The following ILDR2 variants were observed in gnomAD, a reference collection of about 807,000 sequenced individuals.
ILDR2 encodes immunoglobulin like domain containing receptor 2, also known as immunoglobulin-like domain-containing receptor 2.
ILDR2 carries 25 observed loss-of-function variants against 66.8 expected under a neutral mutation model. The observed-to-expected ratio is 0.37, with a 90% CI of 0.27 to 0.52. The LOEUF is 0.52. Among genes scored for constraint, ILDR2 ranks in the 20% least tolerant of loss-of-function variants. The pLI, the probability that ILDR2 is intolerant of heterozygous loss-of-function variation, is 0.88. For synonymous variants in ILDR2, 367 were observed against 357.2 expected, an observed-to-expected ratio of 1.03 and a Z score of -0.31; for missense variants, 827 against 876.8, an observed-to-expected ratio of 0.94 and a Z score of 0.72.
chr1:166,909,781 T>TATATATATATAAATATATATAAATATA lies in ILDR2; in HGVS notation c.*9573_*9574insTATATTTATATATATTTATATATATAT, dbSNP rs1557921377. 1 of 64,246 alleles carries TATATATATATAAATATATATAAATATA rather than the reference T, an allele frequency of 1.6e-5. No individual in the cohort carries two copies. The highest frequency in any genetic ancestry group is 2.9e-5 in the Non-Finnish European group (1 of 34,828). 4.0% of individuals were successfully genotyped at this position (64,246 alleles called of 1,614,324 possible). A position where few individuals can be genotyped will look rare whatever the true frequency, so the allele number is the denominator to read the frequency against. On this transcript the variant is annotated 3_prime_UTR_variant, in exon 10 of 10. Coordinates refer to ENST00000271417, the MANE Select transcript of ILDR2 (RefSeq NM_199351.3). ...TATAAATATATATAAATATATATAT[T>TATATATATATAAATATATATAAATATA]TATATATATATATATATATATATAT...
In ILDR2 at chr1:166,920,811, A is replaced by T; in HGVS notation, c.1780T>A (p.Tyr594Asn). The T allele has an allele frequency of 6.5e-7, 1 of 1,529,968 alleles. No individual in the cohort carries two copies. The allele number at this position is 1,529,968 out of a possible 1,614,324, so 94.8% of individuals were successfully genotyped here. A position where few individuals can be genotyped will look rare whatever the true frequency, so the allele number is the denominator to read the frequency against. The change falls in exon 9 of 10, where the codon TAC (tyrosine) becomes AAC (asparagine). Residue 594 changes from tyrosine to asparagine, a missense_variant. This residue lies in a region of ILDR2 where 390 missense variants were observed against 353.6 expected (regional missense o/e 1.10). Transcript: ENST00000271417. ...EDASDDALPP[Y>N]SELELTRGPS... ...CCGCGGGTCAGCTCCAGCTCGCTGTAGGGCGGCAGCGCGTCGTCGGACGCG... is the reference window on the plus strand; with the variant it reads ...CCGCGGGTCAGCTCCAGCTCGCTGTTGGGCGGCAGCGCGTCGTCGGACGCG...
chr1:166,928,519 G>C (rs980048692), intron 6 of ILDR2, among the ~76,000 whole-genome samples: 60 of 152,302 alleles, frequency 3.9e-4, no homozygotes, highest in African/African-American at 1.4e-3. Context: ...TGGGATGTAA[G>C]CTAGTGACCT....
rs562651856 is a variant in ILDR2, at chr1:166,896,254, G to C, written n.172-153C>G. On this transcript the variant is annotated intron_variant and non_coding_transcript_variant, in intron 2 of 2. Coordinates refer to the ILDR2 transcript ENST00000414590. The stretch of plus-strand genomic sequence containing the variant: ...GACAAAGGTGTAGAAGTGAGAAATA[G>C]AATGGTCTATTTGGAGGAAGAGCAG... Among the ~76,000 whole-genome samples, 10 of 152,312 alleles carry C rather than the reference G, an allele frequency of 6.6e-5. No individual in the cohort carries two copies. The South Asian group carries it at 2.1e-3, about 32-fold the overall frequency.
intron 1 of ILDR2, among the ~76,000 whole-genome samples, chr1:166,965,578 TTTTG>T (rs1363438161): frequency 2.0e-5 from 3 of 148,110 alleles, no homozygotes; most frequent in Non-Finnish European, 3.0e-5. Context: ...TTGTTTTTTT[TTTTG>T]TTTTTTTTTT....
At chr1:166,935,121 G>A (rs1660867641) in intron 6 of ILDR2, among the ~76,000 whole-genome samples, 180 bp downstream of exon 6, 1 of 152,224 alleles carries the variant, frequency 6.6e-6, no homozygotes, top group Admixed American at 6.5e-5. Context: ...ATGTCCTGCA[G>A]CCTTTGGAAA....
chr1:166,960,667 A>G (rs1662558134), intron 1 of ILDR2, among the ~76,000 whole-genome samples: 1 of 152,032 alleles, frequency 6.6e-6, no homozygotes, highest in African/African-American at 2.4e-5. Flanking sequence ...ACCATACATC[A>G]CCACCAGGCT....
chr1:166,908,347 C>T lies in ILDR2; in HGVS notation c.*11008G>A, dbSNP rs1475348517. The T allele has an allele frequency of 6.6e-6, 1 of 152,202 alleles. No individual in the cohort carries two copies. Among genetic ancestry groups the T allele is most frequent in the African/African-American group, 2.4e-5 (1 of 41,446 alleles). 9.4% of individuals were successfully genotyped at this position (152,202 alleles called of 1,614,324 possible). On this transcript the variant is annotated 3_prime_UTR_variant, in exon 10 of 10. Transcript: ENST00000271417. ...GGCAGAGAAAGAGAGGAAGTAATCT[C>T]TCTCCTGTCTCTTCTTATAAGGACA...
intron 3 of ILDR2, among the ~76,000 whole-genome samples, chr1:166,952,510 A>G (rs1662039142): frequency 6.6e-6 from 1 of 152,214 alleles, no homozygotes; most frequent in African/African-American, 2.4e-5. Flanking sequence ...ATTTCTGTGA[A>G]TCACATATCT....
chr1:166,965,578 T>G (rs1296333692), intron 1 of ILDR2, among the ~76,000 whole-genome samples: 1 of 148,002 alleles, frequency 6.8e-6, no homozygotes, highest in Non-Finnish European at 1.5e-5. Flanking sequence ...TTGTTTTTTT[T>G]TTTGTTTTTT....
In ILDR2 at chr1:166,943,424, G is replaced by A. The variant is rs1049677127; in HGVS notation, c.500-3854C>T. The stretch of plus-strand genomic sequence containing the variant: ...GGAGAATGGCGTAAACCCGGGAGGC[G>A]GAGCTTGCAGTGAGCCGAGATTGCA... On this transcript the variant is annotated intron_variant, in intron 3 of 9. Transcript: ENST00000271417. Among the ~76,000 whole-genome samples the A allele has an allele frequency of 6.7e-5, 10 of 149,814 alleles. No individual in the cohort carries two copies. In the East Asian group the frequency reaches 1.6e-3, roughly 24 times the overall value.
intron 1 of ILDR2, among the ~76,000 whole-genome samples, chr1:166,971,934 G>A (rs1182213445): frequency 2.0e-5 from 3 of 152,108 alleles, no homozygotes; most frequent in African/African-American, 4.8e-5. Flanking sequence ...ATAAAGGGCC[G>A]GGCATGGTGG....
At chr1:166,973,763 A>G (rs1424943370) in intron 1 of ILDR2, among the ~76,000 whole-genome samples, 1 of 152,112 alleles carries the variant, frequency 6.6e-6, no homozygotes, top group Non-Finnish European at 1.5e-5. Context: ...CTGGGAGGCC[A>G]GGGGAGCGGG....
Position 166,909,661 on chromosome 1 carries a change from A to G in ILDR2, c.*9694T>C, listed in dbSNP as rs372633768. ...TTAATGTCCATTATAATTTAACTAC[A>G]TTCAGTTGAACAAAGCGTTTTTCCA... On this transcript the variant is annotated 3_prime_UTR_variant, in exon 10 of 10. Transcript: ENST00000271417. 1.7e-4 allele frequency: 25 copies of G among 150,124 alleles called. No individual in the cohort carries two copies. In the East Asian group the frequency reaches 2.3e-3, roughly 14 times the overall value. The allele number at this position is 150,124 out of a possible 1,614,324, so 9.3% of individuals were successfully genotyped here. A position where few individuals can be genotyped will look rare whatever the true frequency, so the allele number is the denominator to read the frequency against.
rs1244677420 is a variant in ILDR2, at chr1:166,918,979, G to A, written c.*376C>T. The A allele has an allele frequency of 5.2e-6, 2 of 385,064 alleles. No individual in the cohort carries two copies. The highest frequency in any genetic ancestry group is 9.2e-6 in the Non-Finnish European group (2 of 216,684). The allele number at this position is 385,064 out of a possible 1,614,324, so 23.9% of individuals were successfully genotyped here. On this transcript the variant is annotated 3_prime_UTR_variant, in exon 10 of 10. Coordinates refer to ENST00000271417, the MANE Select transcript of ILDR2 (RefSeq NM_199351.3). ...AGTATAGCACAGGAGGTATAGAAAA[G>A]CATATTGTAGGCATAGGCAATTTCT...
At chr1:166,920,269 A>G (rs571826537) in intron 9 of ILDR2, among the ~76,000 whole-genome samples, 3 of 152,318 alleles carry the variant, frequency 2.0e-5, no homozygotes, top group South Asian at 4.1e-4. Flanking sequence ...GATGCAAGTT[A>G]CAAACCCTCG....
intron 4 of ILDR2, 85 bp downstream of exon 4, chr1:166,939,429 A>G: frequency 9.0e-7 from 1 of 1,110,704 alleles, no homozygotes; most frequent in South Asian, 1.3e-5. Context: ...GCAATAAAGT[A>G]AAGAAGCAAT....
Position 166,913,405 on chromosome 1 carries a change from TTTA to T in ILDR2, c.*5947_*5949del, listed in dbSNP as rs1659518266. 6.6e-6 allele frequency: 1 copy of T among 152,214 alleles called. No individual in the cohort carries two copies. The highest frequency in any genetic ancestry group is 2.4e-5 in the African/African-American group (1 of 41,464). The allele number at this position is 152,214 out of a possible 1,614,324, so 9.4% of individuals were successfully genotyped here. ...GTCCCACCCTCCTACTCCCTTGTTCTTTATTCTCACACAGCAAATTTCTTATGC... is the reference window on the plus strand; with the variant it reads ...GTCCCACCCTCCTACTCCCTTGTTCTTTCTCACACAGCAAATTTCTTATGC... On this transcript the variant is annotated 3_prime_UTR_variant, in exon 10 of 10. Coordinates refer to ENST00000271417, the MANE Select transcript of ILDR2 (RefSeq NM_199351.3).
At chr1:166,925,770 A>G (rs899413463) in intron 7 of ILDR2, among the ~76,000 whole-genome samples, 1 of 152,200 alleles carries the variant, frequency 6.6e-6, no homozygotes, top group African/African-American at 2.4e-5. Context: ...ATGACCATTA[A>G]GCCCCTAGAG....
chr1:166,925,481 CCCTT>C (rs1291172138), intron 7 of ILDR2, among the ~76,000 whole-genome samples: 1 of 152,188 alleles, frequency 6.6e-6, no homozygotes, highest in Non-Finnish European at 1.5e-5. Flanking sequence ...ACCTCAGAGT[CCCTT>C]CCAGCTCTGA....
Sources: allele counts gnomAD v4.1 joint callset (sites outside exome capture counted in the v4.1 genomes callset), GRCh38; gene constraint gnomAD v4.1.1; regional missense constraint gnomAD v4.1.1; transcripts MANE v1.5; gene names NCBI Gene and HGNC (gene_info 2026-07-23, HGNC 2026-07-21).